PSMB7: variants seen among roughly 807,000 people sequenced by gnomAD.
The protein encoded by PSMB7 is proteasome subunit beta type-7.
In PSMB7, 5 loss-of-function variants were observed where a neutral mutation model predicts 28.1. That is an observed-to-expected ratio of 0.18 (90% CI 0.09 to 0.37). The LOEUF is 0.37. Among genes scored for constraint, PSMB7 ranks in the 10% least tolerant of loss-of-function variants. The pLI is 1.00. For missense variants in PSMB7, 275 were observed against 346.2 expected (o/e 0.79, Z 1.63); for synonymous variants, 122 against 123.7 (o/e 0.99, Z 0.09).
At chr9:124,371,975 C>T (rs908070605) in intron 6 of PSMB7, among the ~76,000 whole-genome samples, 19 of 152,256 alleles carry the variant, frequency 1.2e-4, no homozygotes, top group African/African-American at 4.6e-4. Context: ...CATTTCAGTT[C>T]TAGGAAATAT....
chr9:124,387,170 C>A (rs925101432), intron 5 of PSMB7, among the ~76,000 whole-genome samples: 2 of 152,050 alleles, frequency 1.3e-5, no homozygotes, highest in African/African-American at 4.8e-5. Flanking sequence ...GGCATGAACC[C>A]GGGAGGCAGA....
chr9:124,392,035 G>C (rs1830793084), intron 5 of PSMB7, among the ~76,000 whole-genome samples: 1 of 152,200 alleles, frequency 6.6e-6, no homozygotes, highest in Non-Finnish European at 1.5e-5. Flanking sequence ...CTCAAACTGG[G>C]GAAGGGGAAA....
At chr9:124,392,491 C>T (rs1290655445) in intron 5 of PSMB7, among the ~76,000 whole-genome samples, 1 of 152,216 alleles carries the variant, frequency 6.6e-6, no homozygotes, top group Non-Finnish European at 1.5e-5. Flanking sequence ...TAGGTTCCTT[C>T]CCCGCACAAG....
At chr9:124,355,527 C>G (rs375681616) in intron 7 of PSMB7, among the ~76,000 whole-genome samples, 3 of 152,204 alleles carry the variant, frequency 2.0e-5, no homozygotes, top group East Asian at 3.9e-4. Flanking sequence ...TGGACTTGCT[C>G]AAATCACGCA....
At chr9:124,402,018 CAA>C (rs34981907) in intron 5 of PSMB7, among the ~76,000 whole-genome samples, 5 of 123,804 alleles carry the variant, frequency 4.0e-5, no homozygotes, top group Non-Finnish European at 5.0e-5. Context: ...GACTCAGTCT[CAA>C]AAAAAAAAAA....
chr9:124,394,814 T>C (rs995331669), intron 5 of PSMB7, among the ~76,000 whole-genome samples: 27 of 152,324 alleles, frequency 1.8e-4, no homozygotes, highest in African/African-American at 6.3e-4. Context: ...AGTACCACCT[T>C]TGCAGCAACC....
chr9:124,381,950 C>T (rs1300915443), intron 6 of PSMB7, among the ~76,000 whole-genome samples: 1 of 152,074 alleles, frequency 6.6e-6, no homozygotes, highest in African/African-American at 2.4e-5. Flanking sequence ...GAAGAAGGTA[C>T]CACCTTCACC....
At chr9:124,371,821 T>C (rs1010304341) in intron 6 of PSMB7, among the ~76,000 whole-genome samples, 8 of 152,216 alleles carry the variant, frequency 5.3e-5, no homozygotes, top group Non-Finnish European at 1.2e-4. Context: ...TTCAACACTA[T>C]CTCTGAATCT....
Position 124,414,920 on chromosome 9 carries a change from T to C in PSMB7, c.78A>G (p.Glu26=), listed in dbSNP as rs1183321675. 1.9e-6 allele frequency: 3 copies of C among 1,612,570 alleles called. No homozygotes were observed. The African/African-American group carries it at 4.0e-5, about 22-fold the overall frequency. Residue 26 remains glutamate (E), a synonymous_variant, in exon 2 of 8, where the codon GAA becomes GAG. Transcript: ENST00000259457. ...TGTATCCCCTCTTTGCAAAATCGGC[T>C]TCCAAGACGGCATTCCTAAGAGCAA... ...FDNCRRNAVL[E]ADFAKRGYKL...
intron 6 of PSMB7, among the ~76,000 whole-genome samples, chr9:124,379,890 T>C (rs1031943647): frequency 6.6e-6 from 1 of 152,238 alleles, no homozygotes; most frequent in Non-Finnish European, 1.5e-5. Flanking sequence ...TAACTCAGAC[T>C]AAGCTCAGGG....
rs372599607 is a variant in PSMB7 at position 124,356,888 on chromosome 9, C to T, written c.598G>A (p.Glu200Lys). Residue 200 changes from glutamate (E) to lysine (K), a missense_variant, in exon 7 of 8, where the codon GAA becomes AAA. Physicochemically the swap from Glu to Lys is moderately conservative, Grantham distance 56. Around this residue, in one of 2 missense-constraint regions of PSMB7, gnomAD observed 213 missense variants for 302.4 expected, o/e 0.70. Coordinates refer to ENST00000259457, the MANE Select transcript of PSMB7 (RefSeq NM_002799.4). The surrounding 1 kb of genome is among the most constrained non-coding windows in gnomAD (Gnocchi z 4.4). ...EEEEAKNLVS[E>K]AIAAGIFNDL... ...TTGAAGATGCCAGCTGCGATGGCTT[C>T]GCTCACCAGATTCTTGGCTTCCTCC... 2.5e-5 allele frequency: 41 copies of T among 1,614,064 alleles called. No individual in the cohort carries two copies. Among genetic ancestry groups the T allele is most frequent in the Non-Finnish European group, 3.4e-5 (40 of 1,180,040 alleles).
intron 6 of PSMB7, among the ~76,000 whole-genome samples, chr9:124,379,025 A>G (rs1830639036): frequency 6.6e-6 from 1 of 152,224 alleles, no homozygotes; most frequent in African/African-American, 2.4e-5. Flanking sequence ...TGCTCTGAGC[A>G]ATTCATCATC....
At chr9:124,398,076 G>A (rs186440293) in intron 5 of PSMB7, among the ~76,000 whole-genome samples, 87 of 152,092 alleles carry the variant, frequency 5.7e-4, no homozygotes, top group African/African-American at 1.1e-3. Flanking sequence ...CTTGGGAGGC[G>A]GAGGCAGGAT....
chr9:124,379,538 C>T (rs539498181), intron 6 of PSMB7, among the ~76,000 whole-genome samples: 139 of 152,334 alleles, frequency 9.1e-4, no homozygotes, highest in African/African-American at 3.2e-3. Context: ...GCCCTAAACT[C>T]ACTTGGTTAG....
intron 6 of PSMB7, among the ~76,000 whole-genome samples, chr9:124,376,150 TA>T (rs977210422): frequency 0.029 from 139 of 4,794 alleles, no homozygotes; most frequent in African/African-American, 0.034. Context: ...TAGTCTTGCT[TA>T]TTTTTTTTAT....
intron 5 of PSMB7, among the ~76,000 whole-genome samples, chr9:124,401,676 C>T (rs1243377743): frequency 2.0e-5 from 3 of 152,218 alleles, no homozygotes; most frequent in African/African-American, 7.2e-5. Flanking sequence ...CTGATATTCA[C>T]TTCTATCTGT....
chr9:124,403,345 C>T (rs772794210), intron 5 of PSMB7, among the ~76,000 whole-genome samples: 5 of 151,824 alleles, frequency 3.3e-5, no homozygotes, highest in Non-Finnish European at 7.4e-5. Context: ...GGCAACATGG[C>T]AAAATCCCAT....
chr9:124,370,088 G>T (rs1414874160), intron 6 of PSMB7, among the ~76,000 whole-genome samples: 1 of 152,182 alleles, frequency 6.6e-6, no homozygotes, highest in Admixed American at 6.5e-5. Flanking sequence ...TCTATCAACA[G>T]TTTACAGAGG....
intron 5 of PSMB7, among the ~76,000 whole-genome samples, chr9:124,394,797 T>C (rs1160571886): frequency 6.6e-6 from 1 of 152,206 alleles, no homozygotes; most frequent in Non-Finnish European, 1.5e-5. Context: ...GCACCATCTA[T>C]TGGCTTAGTA....
Sources: gnomAD v4.1 joint callset for allele counts (sites outside exome capture counted in the v4.1 genomes callset) on GRCh38, gnomAD v4.1.1 for gene constraint, gnomAD v4.1.1 regional missense constraint, Gnocchi (gnomAD v3.1) non-coding constraint, MANE v1.5 for transcripts, NCBI Gene and HGNC (gene_info 2026-07-23, HGNC 2026-07-21) for gene names.